GPHN: variants seen among roughly 807,000 people sequenced by gnomAD.
GPHN encodes gephyrin.
A neutral mutation model predicts 95.5 loss-of-function variants in GPHN; 17 were observed. The ratio of observed to expected loss-of-function variants is 0.18; its 90% CI spans 0.12 to 0.27. The LOEUF (loss-of-function observed/expected upper bound fraction) is 0.27. Among genes scored for constraint, GPHN ranks in the 10% least tolerant of loss-of-function variants. GPHN has a pLI of 1.00. For synonymous variants in GPHN, 320 were observed against 322.5 expected, an observed-to-expected ratio of 0.99 and a Z score of 0.08; for missense variants, 660 against 978.1, an observed-to-expected ratio of 0.67 and a Z score of 4.34.
chr14:67,685,036 A>C, the GPHN span: 1 of 1,608,874 alleles, frequency 6.2e-7, no homozygotes, highest in South Asian at 1.1e-5. Context: ...CCCACTTAGA[A>C]TCTCAAGACC....
At chr14:67,585,375 A>T in the GPHN span, 1 of 566,300 alleles carries the variant, frequency 1.8e-6, no homozygotes, top group Admixed American at 3.2e-5. Context: ...CCCAAGGCCA[A>T]GGGTCTCCTG....
intron 6 of GPHN, among the ~76,000 whole-genome samples, chr14:66,917,145 T>C (rs1424557720): frequency 6.6e-6 from 1 of 152,212 alleles, no homozygotes; most frequent in Non-Finnish European, 1.5e-5. Flanking sequence ...GTGCATTTCT[T>C]CCTCAGGCCA....
chr14:66,571,806 G>A (rs766348084), intron 1 of GPHN, among the ~76,000 whole-genome samples: 8 of 152,054 alleles, frequency 5.3e-5, no homozygotes, highest in Admixed American at 2.0e-4. Context: ...GCAAGACTCC[G>A]TCTCAAAAAT....
chr14:66,685,079 T>G (rs2067253642), intron 2 of GPHN, among the ~76,000 whole-genome samples: 2 of 152,258 alleles, frequency 1.3e-5, no homozygotes, highest in Admixed American at 1.3e-4. Flanking sequence ...GGACGTGAAC[T>G]CATCCTTTTT....
At chr14:66,734,374 G>A (rs2072067300) in intron 2 of GPHN, among the ~76,000 whole-genome samples, 6 of 152,042 alleles carry the variant, frequency 3.9e-5, no homozygotes, top group Admixed American at 3.9e-4. Flanking sequence ...AATAAACCAA[G>A]CTCCATACTA....
At chr14:67,329,687 T>C in the GPHN span, among the ~76,000 whole-genome samples, 308 of 152,188 alleles carry the variant, frequency 2.0e-3, no homozygotes, top group African/African-American at 7.0e-3. Context: ...GAGACCAGCC[T>C]GGGCAACATA....
At chr14:67,731,435 G>A in the GPHN span, among the ~76,000 whole-genome samples, 3 of 151,558 alleles carry the variant, frequency 2.0e-5, no homozygotes, top group African/African-American at 7.3e-5. Context: ...GGCTGGTCTT[G>A]AACTCCTGAC....
chr14:66,916,341 T>C (rs2065897483), intron 6 of GPHN, among the ~76,000 whole-genome samples: 2 of 152,148 alleles, frequency 1.3e-5, no homozygotes, highest in Admixed American at 6.6e-5. Context: ...CGTCCAGGAA[T>C]ACTACCAAAC....
At chr14:66,513,786 G>C (rs2139711561) in intron 1 of GPHN, among the ~76,000 whole-genome samples, 1 of 151,840 alleles carries the variant, frequency 6.6e-6, no homozygotes, top group Middle Eastern at 3.4e-3. Context: ...AGTATTGCTA[G>C]GTAGAAGTTC....
At chr14:67,487,999 T>C in the GPHN span, among the ~76,000 whole-genome samples, 1 of 152,240 alleles carries the variant, frequency 6.6e-6, no homozygotes, top group African/African-American at 2.4e-5. Context: ...TTTTTTGTTT[T>C]AATATGAAAG....
intron 2 of GPHN, among the ~76,000 whole-genome samples, chr14:66,742,272 G>A (rs180868545): frequency 6.6e-6 from 1 of 152,182 alleles, no homozygotes; most frequent in East Asian, 1.9e-4. Flanking sequence ...TCTGATACAT[G>A]TTAATTGTTA....
the GPHN span, among the ~76,000 whole-genome samples, chr14:67,694,248 A>G: frequency 0.41 from 62,975 of 151,794 alleles, 14,289 homozygotes; most frequent in East Asian, 0.68. Context: ...CCTCCTCAGA[A>G]AACAAGCCTC....
At chr14:66,636,431 A>G (rs1489601439) in intron 1 of GPHN, among the ~76,000 whole-genome samples, 2 of 152,166 alleles carry the variant, frequency 1.3e-5, no homozygotes, top group Non-Finnish European at 2.9e-5. Flanking sequence ...GATTACAAAG[A>G]TAGCTAATTT....
intron 9 of GPHN, among the ~76,000 whole-genome samples, chr14:66,977,870 G>A (rs1405652000): frequency 6.6e-6 from 1 of 152,064 alleles, no homozygotes; most frequent in African/African-American, 2.4e-5. Context: ...CAGATTTGTA[G>A]CCAAACTTAA....
chr14:67,120,197 T>G (rs1595229607), intron 16 of GPHN, among the ~76,000 whole-genome samples: 1 of 151,992 alleles, frequency 6.6e-6, no homozygotes, highest in Admixed American at 6.6e-5. Context: ...TTGAACTTGG[T>G]GACTTGATAT....
At chr14:66,583,338 C>T (rs2061279141) in intron 1 of GPHN, among the ~76,000 whole-genome samples, 2 of 152,086 alleles carry the variant, frequency 1.3e-5, no homozygotes. Flanking sequence ...TGTAGGTTGC[C>T]TGTTCACTCT....
chr14:66,527,362 T>C (rs2058733891), intron 1 of GPHN, among the ~76,000 whole-genome samples: 1 of 151,488 alleles, frequency 6.6e-6, no homozygotes, highest in Admixed American at 6.6e-5. Context: ...TCTTCTTTAT[T>C]AGTCTGGCTA....
At chr14:67,488,902 C>T in the GPHN span, among the ~76,000 whole-genome samples, 16 of 152,298 alleles carry the variant, frequency 1.1e-4, no homozygotes, top group Admixed American at 8.5e-4. Flanking sequence ...GGTCTGCAGG[C>T]TTTTTCCCCA....
intron 9 of GPHN, among the ~76,000 whole-genome samples, chr14:66,994,570 T>C (rs1396568134): frequency 6.6e-6 from 1 of 152,170 alleles, no homozygotes; most frequent in Non-Finnish European, 1.5e-5. Context: ...TAATAAAATA[T>C]CTCAAGTAAA....
Sources: allele counts gnomAD v4.1 joint callset (sites outside exome capture counted in the v4.1 genomes callset), GRCh38; gene constraint gnomAD v4.1.1; transcripts MANE v1.5; gene names NCBI Gene and HGNC (gene_info 2026-07-23, HGNC 2026-07-21).